RORA: variants seen among roughly 807,000 people sequenced by gnomAD.
RORA encodes the protein nuclear receptor ROR-alpha.
In RORA, 7 loss-of-function variants were observed where a neutral mutation model predicts 69.5. The observed-to-expected ratio is 0.10, with a 90% CI of 0.06 to 0.19. RORA has a LOEUF of 0.19. Among genes scored for constraint, RORA ranks in the 10% least tolerant of loss-of-function variants. The probability of loss-of-function intolerance (pLI) is 1.00; values close to 1 mark genes in which losing one functional copy is unlikely to be tolerated. For synonymous variants in RORA, 261 were observed against 240.8 expected (o/e 1.08, Z -0.78); for missense variants, 457 against 663.0 (o/e 0.69, Z 3.41).
chr15:61,084,432 C>G (rs2078592452), intron 1 of RORA, among the ~76,000 whole-genome samples: 1 of 152,150 alleles, frequency 6.6e-6, no homozygotes, highest in African/African-American at 2.4e-5. Context: ...TTTGTTTAAG[C>G]CCAAAGATAA....
At position 60,905,505 on chromosome 15, in the gene RORA, C is replaced by T. The variant is rs183843669; in HGVS notation, c.167-226819G>A. Among the ~76,000 whole-genome samples, 35 of 152,122 alleles carry T rather than the reference C, an allele frequency of 2.3e-4. No individual in the cohort carries two copies. The East Asian group carries it at 3.9e-3, about 17-fold the overall frequency. ...AGGTATTCAATGGTTAATTAAGACA[C>T]GAGTGTCATTGCTGAGCTCTTTTGT... On this transcript the variant is annotated intron_variant, in intron 1 of 10. Coordinates refer to ENST00000335670, the MANE Select transcript of RORA (RefSeq NM_134261.3). The surrounding 1 kb of genome is among the most constrained non-coding windows in gnomAD (Gnocchi z 4.8).
At chr15:60,772,328 G>A (rs2072090236) in intron 1 of RORA, among the ~76,000 whole-genome samples, 1 of 152,118 alleles carries the variant, frequency 6.6e-6, no homozygotes, top group African/African-American at 2.4e-5. Context: ...AAAGTAGCTG[G>A]CAAGCAGGTG....
chr15:60,592,772 C>T (rs2068572935), intron 2 of RORA: 3 of 845,330 alleles, frequency 3.5e-6, no homozygotes, highest in Admixed American at 3.3e-5. Context: ...CGGGCCCTCG[C>T]CCGGGCGCCC....
chr15:60,794,759 T>G (rs1175929647), intron 1 of RORA, among the ~76,000 whole-genome samples: 1 of 152,232 alleles, frequency 6.6e-6, no homozygotes, highest in Non-Finnish European at 1.5e-5. Flanking sequence ...GAGTTATCAT[T>G]CAACCAGAGG....
At chr15:60,920,281 A>G (rs1188869811) in intron 1 of RORA, among the ~76,000 whole-genome samples, 2 of 152,194 alleles carry the variant, frequency 1.3e-5, no homozygotes, top group Non-Finnish European at 2.9e-5. Flanking sequence ...ATCTAAGTTA[A>G]CCTTTCTCTA....
intron 1 of RORA, among the ~76,000 whole-genome samples, chr15:60,824,509 T>C (rs1215675513): frequency 6.6e-6 from 1 of 151,988 alleles, no homozygotes; most frequent in African/African-American, 2.4e-5. Flanking sequence ...ATAAAATCCA[T>C]GTTTCAAAAC....
chr15:61,140,343 T>A (rs560911950), intron 1 of RORA, among the ~76,000 whole-genome samples: 123 of 152,348 alleles, frequency 8.1e-4, no homozygotes, highest in African/African-American at 2.9e-3. Context: ...GTAGGGATAC[T>A]TAACATACCA....
intron 1 of RORA, among the ~76,000 whole-genome samples, chr15:60,711,535 G>A (rs1038420550): frequency 2.6e-5 from 4 of 151,988 alleles, no homozygotes; most frequent in African/African-American, 4.8e-5. Flanking sequence ...TTCCTTCCTC[G>A]CACTCACACT....
intron 1 of RORA, among the ~76,000 whole-genome samples, chr15:61,144,226 A>G (rs928210556): frequency 1.3e-5 from 2 of 152,240 alleles, no homozygotes; most frequent in African/African-American, 4.8e-5. Flanking sequence ...AGGACTGTTC[A>G]GAGACGTTAG....
chr15:61,215,043 T>G (rs1477657601), intron 1 of RORA, among the ~76,000 whole-genome samples: 2 of 143,562 alleles, frequency 1.4e-5, no homozygotes, highest in Non-Finnish European at 3.0e-5. Flanking sequence ...TTTTTTTTTT[T>G]TTTTTTTTTT....
chr15:60,716,957 G>C (rs939231680), intron 1 of RORA, among the ~76,000 whole-genome samples: 6 of 152,082 alleles, frequency 3.9e-5, no homozygotes. Context: ...GAGTTCTTTA[G>C]ACTACTTCAG....
chr15:60,975,873 T>C (rs1893859981), intron 1 of RORA, among the ~76,000 whole-genome samples: 1 of 152,216 alleles, frequency 6.6e-6, no homozygotes, highest in African/African-American at 2.4e-5. Flanking sequence ...TACATGTGCA[T>C]ACACCCACAT....
chr15:61,025,306 A>T (rs1895749073), intron 1 of RORA, among the ~76,000 whole-genome samples: 1 of 152,206 alleles, frequency 6.6e-6, no homozygotes, highest in South Asian at 2.1e-4. Flanking sequence ...AAGCCTTGTG[A>T]AAACGCCTCT....
At chr15:61,077,259 A>G (rs1197832701) in intron 1 of RORA, among the ~76,000 whole-genome samples, 1 of 152,138 alleles carries the variant, frequency 6.6e-6, no homozygotes, top group East Asian at 1.9e-4. Flanking sequence ...GGGGAGAAAG[A>G]TAAGGAGAGA....
chr15:60,760,896 T>C (rs1225173319), intron 1 of RORA, among the ~76,000 whole-genome samples: 2 of 151,860 alleles, frequency 1.3e-5, no homozygotes, highest in African/African-American at 4.8e-5. Flanking sequence ...GTGCCTGATA[T>C]TTGTAACCAC....
chr15:61,105,944 C>A (rs1005160574), intron 1 of RORA, among the ~76,000 whole-genome samples: 2 of 152,188 alleles, frequency 1.3e-5, no homozygotes, highest in African/African-American at 4.8e-5. Context: ...CCAAGTTCAT[C>A]TACAAAATTA....
At chr15:61,068,926 A>AT (rs1405480651) in intron 1 of RORA, among the ~76,000 whole-genome samples, 1 of 152,164 alleles carries the variant, frequency 6.6e-6, no homozygotes, top group Non-Finnish European at 1.5e-5. Context: ...TTTATGAACC[A>AT]TTTCCCCCTG....
chr15:60,614,968 C>A, intron 2 of RORA: 2 of 1,613,996 alleles, frequency 1.2e-6, no homozygotes, highest in Non-Finnish European at 1.7e-6. Context: ...GGCTCCATCC[C>A]AGTTTATGTG....
chr15:61,035,911 A>G (rs1216376405), intron 1 of RORA, among the ~76,000 whole-genome samples: 1 of 152,202 alleles, frequency 6.6e-6, no homozygotes, highest in Non-Finnish European at 1.5e-5. Flanking sequence ...CAGAAAATAC[A>G]CAAATAAACC....
Sources: gnomAD v4.1 joint callset for allele counts (sites outside exome capture counted in the v4.1 genomes callset) on GRCh38, gnomAD v4.1.1 for gene constraint, Gnocchi (gnomAD v3.1) non-coding constraint, MANE v1.5 for transcripts, NCBI Gene and HGNC (gene_info 2026-07-23, HGNC 2026-07-21) for gene names.